NLRP12: variants seen among roughly 807,000 people sequenced by gnomAD.
NLRP12 encodes NACHT, LRR and PYD domains-containing protein 12.
In NLRP12, 108 loss-of-function variants were observed where a neutral mutation model predicts 91.2. The ratio of observed to expected loss-of-function variants is 1.18; its 90% CI spans 1.01 to 1.39. The LOEUF (loss-of-function observed/expected upper bound fraction) is 1.39. Among genes scored for constraint, NLRP12 ranks in the 40% most tolerant of loss-of-function variants. The pLI, the probability that NLRP12 is intolerant of heterozygous loss-of-function variation, is 0.00. For synonymous variants in NLRP12, 613 were observed against 566.7 expected (o/e 1.08, Z -1.16); for missense variants, 1,530 against 1,352.7 (o/e 1.13, Z -2.06).
intron 7 of NLRP12, among the ~76,000 whole-genome samples, chr19:53,800,401 C>T (rs941123749): frequency 1.7e-4 from 26 of 152,048 alleles, no homozygotes; most frequent in Admixed American, 1.6e-3. Context: ...CCCAGGATGT[C>T]GGGCTATGAT....
rs1206236464 is a variant in NLRP12, at chr19:53,805,317, C to T, written c.2377G>A (p.Gly793Ser). 3 of 1,614,002 alleles carry T rather than the reference C, an allele frequency of 1.9e-6. No individual in the cohort carries two copies. The highest frequency in any genetic ancestry group is 2.2e-5 in the East Asian group (1 of 44,856). Reference sequence around the variant, plus strand: ...AGCCTGCACTGGGGATGCCGCAGGCCCTCGCAAAGCAGCATCATGCCTGGG... The same window carrying T: ...AGCCTGCACTGGGGATGCCGCAGGCTCTCGCAAAGCAGCATCATGCCTGGG... The part of the protein sequence containing the change: ...GFPGMMLLCE[G>S]LRHPQCRLQM... Residue 793 changes from glycine (G) to serine (S), a missense_variant, in exon 5 of 10, where the codon GGC becomes AGC. Gly to Ser is a moderately conservative substitution (Grantham distance 56). Transcript: ENST00000324134.
intron 1 of NLRP12, 89 bp downstream of exon 1, chr19:53,823,797 T>C: frequency 1.4e-6 from 2 of 1,456,934 alleles, no homozygotes; most frequent in Non-Finnish European, 1.9e-6. Flanking sequence ...TGATCTGCCC[T>C]CTTCAGCCTC....
intron 1 of NLRP12, among the ~76,000 whole-genome samples, chr19:53,821,096 C>T (rs1032536405): frequency 5.4e-5 from 7 of 130,196 alleles, no homozygotes; most frequent in Admixed American, 3.6e-4. Flanking sequence ...AGTGCAGTGG[C>T]TTAATCTTCG....
intron 5 of NLRP12, 21 bp from the exon 6 acceptor site, chr19:53,804,143 G>A (rs1177738249): frequency 1.2e-6 from 2 of 1,613,402 alleles, no homozygotes; most frequent in Non-Finnish European, 8.5e-7. Flanking sequence ...AGGAGAGGTT[G>A]AAGGGGACGC....
intron 2 of NLRP12, among the ~76,000 whole-genome samples, chr19:53,813,908 C>T (rs538188928): frequency 6.7e-6 from 1 of 150,260 alleles, no homozygotes; most frequent in East Asian, 2.0e-4. Flanking sequence ...GTTGCCCAGG[C>T]TGGTCTCAGA....
chr19:53,795,380 A>ATTTT (rs71304175), intron 9 of NLRP12, among the ~76,000 whole-genome samples: 2 of 147,808 alleles, frequency 1.4e-5, no homozygotes, highest in African/African-American at 5.0e-5. Flanking sequence ...AGACAAGGAA[A>ATTTT]TTTTTTTTTT....
chr19:53,815,777 T>A (rs1293561225), intron 1 of NLRP12, among the ~76,000 whole-genome samples: 5 of 149,586 alleles, frequency 3.3e-5, no homozygotes, highest in African/African-American at 1.2e-4. Flanking sequence ...CCCGGATAAT[T>A]TATTTTGTAT....
intron 6 of NLRP12, 47 bp from the exon 7 acceptor site, chr19:53,801,444 T>C (rs1568662599): frequency 7.0e-7 from 1 of 1,426,994 alleles, no homozygotes; most frequent in Non-Finnish European, 9.2e-7. Context: ...TTTCCTTTCT[T>C]TTTCTTTTTT....
In NLRP12 at chr19:53,810,207, G is replaced by A. The variant is rs769866276; in HGVS notation, c.1452C>T (p.His484=). The part of the protein sequence containing the change: ...ILFEEQDLRK[H]GLDGEDVSAF... ...CAGAGACGTCTTCCCCGTCTAGGCC[G>A]TGCTTCCGGAGGTCCTGCTCCTCAA... Residue 484 remains histidine, a synonymous_variant, in exon 3 of 10, where the codon CAC becomes CAT. Transcript: ENST00000324134. 6.2e-7 allele frequency: 1 copy of A among 1,614,184 alleles called. No homozygotes were observed. The highest frequency in any genetic ancestry group is 1.7e-5 in the Admixed American group (1 of 60,004).
intron 7 of NLRP12, among the ~76,000 whole-genome samples, chr19:53,800,750 T>C (rs187703957): frequency 3.0e-4 from 46 of 152,190 alleles, no homozygotes; most frequent in African/African-American, 1.0e-3. Flanking sequence ...GCCTGGCTAC[T>C]TTTGTATTTT....
At chr19:53,812,079 CAAAA>C (rs1204977227) in intron 2 of NLRP12, among the ~76,000 whole-genome samples, 3 of 151,004 alleles carry the variant, frequency 2.0e-5, no homozygotes, top group Non-Finnish European at 4.4e-5. Context: ...TCTATAAAAA[CAAAA>C]GAAAGAGAAA....
At chr19:53,800,586 CCT>C (rs1491336409) in intron 7 of NLRP12, among the ~76,000 whole-genome samples, 1 of 122,986 alleles carries the variant, frequency 8.1e-6, no homozygotes, top group Non-Finnish European at 1.7e-5. Flanking sequence ...AAAACCCCCC[CCT>C]TTTTTTTTTT....
At chr19:53,809,563 AG>A in intron 3 of NLRP12, 23 bp downstream of exon 3, 2 of 1,234,930 alleles carry the variant, frequency 1.6e-6, no homozygotes, top group Non-Finnish European at 2.3e-6. Flanking sequence ...AAGCAGCCCC[AG>A]GGGATACCCC....
intron 1 of NLRP12, among the ~76,000 whole-genome samples, chr19:53,823,421 AAT>A (rs1307984486): frequency 2.0e-3 from 93 of 46,134 alleles, no homozygotes; most frequent in East Asian, 6.8e-3. Context: ...ATATGTTTTA[AAT>A]ATATATATTT....
chr19:53,812,228 G>A (rs58825733), intron 2 of NLRP12, among the ~76,000 whole-genome samples: 1 of 151,004 alleles, frequency 6.6e-6, no homozygotes, highest in African/African-American at 2.4e-5. Context: ...CCTGAGCCCC[G>A]CAAAATGCTG....
In NLRP12 at chr19:53,809,764, T is replaced by C. The variant is rs916557452; in HGVS notation, c.1895A>G (p.His632Arg). ...EEEFIQQALS[H>R]FQVIVVSNIA... Reference sequence around the variant, plus strand: ...GTTGCTGACCACGATCACCTGGAAGTGGCTCAGGGCCTGCTGGATAAACTC... The same window carrying C: ...GTTGCTGACCACGATCACCTGGAAGCGGCTCAGGGCCTGCTGGATAAACTC... Residue 632 changes from histidine (H) to arginine (R), a missense_variant, in exon 3 of 10, where the codon CAC becomes CGC. His to Arg is a conservative substitution (Grantham distance 29, BLOSUM62 0). Coordinates refer to ENST00000324134, the MANE Select transcript of NLRP12 (RefSeq NM_144687.4). 1 of 1,614,084 alleles carries C rather than the reference T, an allele frequency of 6.2e-7. No homozygotes were observed. The highest frequency in any genetic ancestry group is 8.5e-7 in the Non-Finnish European group (1 of 1,180,018).
Position 53,811,015 on chromosome 19 carries a change from A to G in NLRP12, c.644T>C (p.Met215Thr), listed in dbSNP as rs768852576. 2 of 1,613,676 alleles carry G rather than the reference A, an allele frequency of 1.2e-6. No homozygotes were observed. Among genetic ancestry groups the G allele is most frequent in the Non-Finnish European group, 1.7e-6 (2 of 1,179,732 alleles). ...CTTGCCTATCCCTGCCGCGCCTTGCATGACCACGGTGCGCGGTGGCTCGGG... is the reference window on the plus strand; with the variant it reads ...CTTGCCTATCCCTGCCGCGCCTTGCGTGACCACGGTGCGCGGTGGCTCGGG... ...ERPEPPRTVV[M>T]QGAAGIGKSM... is the part of the protein sequence containing the mutation. Residue 215 changes from methionine to threonine, a missense_variant, in exon 3 of 10, where the codon ATG becomes ACG. By Grantham distance (81) the Met-to-Thr change is moderately conservative (BLOSUM62 -1). Coordinates refer to ENST00000324134, the MANE Select transcript of NLRP12 (RefSeq NM_144687.4).
At chr19:53,812,625 T>TGCCAACAG (rs2092094143) in intron 2 of NLRP12, among the ~76,000 whole-genome samples, 1 of 151,928 alleles carries the variant, frequency 6.6e-6, no homozygotes, top group African/African-American at 2.4e-5. Flanking sequence ...GGCCCCGAAA[T>TGCCAACAG]GCCAACAGTG....
Position 53,793,986 on chromosome 19 carries a change from TG to T in NLRP12, c.*62del. ...GAGGCTGATCATTATGCTGGGGGGGTGATGAGCACCCTCCCATCTTCCTCTG... is the reference window on the plus strand; with the variant it reads ...GAGGCTGATCATTATGCTGGGGGGGTATGAGCACCCTCCCATCTTCCTCTG... On this transcript the variant is annotated 3_prime_UTR_variant, in exon 10 of 10. Transcript: ENST00000324134. The T allele has an allele frequency of 9.0e-7, 1 of 1,116,266 alleles. No individual in the cohort carries two copies. Among genetic ancestry groups the T allele is most frequent in the Non-Finnish European group, 1.4e-6 (1 of 726,288 alleles). The allele number at this position is 1,116,266 out of a possible 1,614,324, so 69.1% of individuals were successfully genotyped here.
Sources: allele counts gnomAD v4.1 joint callset (sites outside exome capture counted in the v4.1 genomes callset), GRCh38; gene constraint gnomAD v4.1.1; transcripts MANE v1.5; gene names NCBI Gene and HGNC (gene_info 2026-07-23, HGNC 2026-07-21).